Variants in DMAC2L observed in about 807,000 individuals in gnomAD.
The protein encoded by DMAC2L is distal membrane arm assembly component 2 like, also known as ATP synthase subunit s, mitochondrial.
Under a neutral mutation model 22.5 loss-of-function variants are expected in DMAC2L, and 21 were observed. The observed-to-expected ratio is 0.93, with a 90% CI of 0.66 to 1.34. DMAC2L has a LOEUF of 1.34. Ranked by LOEUF, DMAC2L falls within the 40% of genes most tolerant of loss-of-function variation. The pLI, the probability that DMAC2L is intolerant of heterozygous loss-of-function variation, is 0.00. For missense variants in DMAC2L, 239 were observed against 246.5 expected, an observed-to-expected ratio of 0.97 and a Z score of 0.20; for synonymous variants, 86 against 89.5, an observed-to-expected ratio of 0.96 and a Z score of 0.22.
rs1029284314 is a variant in DMAC2L at position 50,326,475 on chromosome 14, T to C, written c.*752T>C. Reference sequence around the variant, plus strand: ...ACAGATTCATTGATGGAGTCAATTATGCAAAGTGGTCAGTGGTTGTTGAAG... The same window carrying C: ...ACAGATTCATTGATGGAGTCAATTACGCAAAGTGGTCAGTGGTTGTTGAAG... On this transcript the variant is annotated 3_prime_UTR_variant, in exon 6 of 6. Transcript: ENST00000557421. The C allele has an allele frequency of 3.0e-6, 3 of 985,328 alleles. No homozygotes were observed. Among genetic ancestry groups the C allele is most frequent in the South Asian group, 4.7e-5 (1 of 21,298 alleles). 61.0% of individuals were successfully genotyped at this position (985,328 alleles called of 1,614,324 possible). A position where few individuals can be genotyped will look rare whatever the true frequency, so the allele number is the denominator to read the frequency against.
Position 50,312,396 on chromosome 14 carries a change from A to T in DMAC2L, c.-42+7A>T. On this transcript the variant is annotated splice_region_variant and intron_variant, in intron 1 of 5. Transcript: ENST00000557421. ...CCTCCCTCCCTCCGACGCTGTGAGT[A>T]GAGAAGCTAGGCCCCGAGCCGGGCG... The T allele has an allele frequency of 1.8e-6, 1 of 561,976 alleles. No individual in the cohort carries two copies. The highest frequency in any genetic ancestry group is 3.2e-6 in the Non-Finnish European group (1 of 316,462). 34.8% of individuals were successfully genotyped at this position (561,976 alleles called of 1,614,324 possible). A position where few individuals can be genotyped will look rare whatever the true frequency, so the allele number is the denominator to read the frequency against.
chr14:50,319,762 A>G (rs1397997745), intron 2 of DMAC2L, among the ~76,000 whole-genome samples: 5 of 152,172 alleles, frequency 3.3e-5, no homozygotes, highest in East Asian at 1.9e-4. Context: ...ATGAAAAACT[A>G]AAAGAAAAAA....
intron 1 of DMAC2L, chr14:50,312,787 C>A: frequency 1.9e-6 from 1 of 535,662 alleles, no homozygotes; most frequent in South Asian, 2.4e-5. Context: ...ATCCTCGCTC[C>A]TCACGGAGGC....
At chr14:50,314,684 C>T (rs899381813) in intron 2 of DMAC2L, 58 bp downstream of exon 2, 4 of 452,880 alleles carry the variant, frequency 8.8e-6, no homozygotes, top group Non-Finnish European at 1.8e-5. Context: ...CTCTGTTGCC[C>T]AGGCTGGAGT....
chr14:50,312,541 G>C (rs1000287528), intron 1 of DMAC2L, 152 bp downstream of exon 1: 2 of 327,778 alleles, frequency 6.1e-6, no homozygotes, highest in Admixed American at 9.4e-5. Flanking sequence ...GGGGCCGTGG[G>C]AGAAACTCTG....
intron 2 of DMAC2L, 146 bp from the exon 3 acceptor site, chr14:50,321,337 A>G (rs1402093879): frequency 1.5e-6 from 2 of 1,358,748 alleles, no homozygotes; most frequent in Non-Finnish European, 1.9e-6. Context: ...CCCAAGAACA[A>G]GAAACAGGAG....
At chr14:50,316,600 T>C (rs1031618277) in intron 2 of DMAC2L, among the ~76,000 whole-genome samples, 1 of 152,224 alleles carries the variant, frequency 6.6e-6, no homozygotes, top group African/African-American at 2.4e-5. Context: ...CCAGTTTCAT[T>C]CTCCTACATG....
At chr14:50,315,594 G>A (rs1257631373) in intron 2 of DMAC2L, among the ~76,000 whole-genome samples, 3 of 149,904 alleles carry the variant, frequency 2.0e-5, no homozygotes, top group African/African-American at 7.4e-5. Flanking sequence ...CCTGGGAGGC[G>A]GAGGTTGCAG....
chr14:50,323,390 C>CTT (rs10609243), intron 4 of DMAC2L, among the ~76,000 whole-genome samples: 22 of 93,334 alleles, frequency 2.4e-4, no homozygotes, highest in Non-Finnish European at 2.8e-4. Flanking sequence ...CACCCGGCCT[C>CTT]TTTTTTTTTT....
At chr14:50,321,334 A>G in intron 2 of DMAC2L, 149 bp from the exon 3 acceptor site, 1 of 1,355,988 alleles carries the variant, frequency 7.4e-7, no homozygotes, top group East Asian at 2.8e-5. Flanking sequence ...AACCCCAAGA[A>G]CAAGAAACAG....
intron 2 of DMAC2L, among the ~76,000 whole-genome samples, chr14:50,315,007 C>T (rs2031641520): frequency 1.3e-5 from 2 of 151,626 alleles, no homozygotes; most frequent in Admixed American, 1.3e-4. Flanking sequence ...CGCTCTGTCA[C>T]CCAGGCTGGA....
intron 5 of DMAC2L, chr14:50,324,550 C>CT (rs1030430070): frequency 6.5e-6 from 1 of 153,444 alleles, no homozygotes; most frequent in African/African-American, 2.4e-5. Flanking sequence ...TCTCTAGAGC[C>CT]TAGAACACTG....
At chr14:50,321,051 C>T (rs182779447) in intron 2 of DMAC2L, among the ~76,000 whole-genome samples, 9 of 152,266 alleles carry the variant, frequency 5.9e-5, no homozygotes, top group Admixed American at 1.3e-4. Flanking sequence ...ATTTTCATGT[C>T]TCCTCTTCTT....
chr14:50,322,425 C>T (rs2032354739), intron 3 of DMAC2L, 86 bp from the exon 4 acceptor site: 3 of 1,310,148 alleles, frequency 2.3e-6, no homozygotes, highest in Admixed American at 3.0e-5. Context: ...AAATTTGTTG[C>T]GTTCTGTATT....
chr14:50,324,327 T>TA (rs1417452557), intron 5 of DMAC2L: 1 of 361,722 alleles, frequency 2.8e-6, no homozygotes, highest in Non-Finnish European at 4.7e-6. Context: ...GAGTATATTT[T>TA]AAAAAATTAA....
rs1555335710 is a variant in DMAC2L, at chr14:50,318,155, G to A, written c.-5-3328G>A. Among the ~76,000 whole-genome samples, 4 of 152,204 alleles carry A rather than the reference G, an allele frequency of 2.6e-5. No individual in the cohort carries two copies. In the South Asian group the frequency reaches 6.2e-4, roughly 24 times the overall value. The stretch of plus-strand genomic sequence containing the variant: ...TAGTAGTGGTTATTTTCTAATTTGC[G>A]TTTAACTGGGTTCTTTTAATTTATT... On this transcript the variant is annotated intron_variant, in intron 2 of 5. Coordinates refer to ENST00000557421, the MANE Select transcript of DMAC2L (RefSeq NM_001382507.1).
chr14:50,311,679 G>C (rs899712150), upstream of DMAC2L, among the ~76,000 whole-genome samples: 2 of 152,160 alleles, frequency 1.3e-5, no homozygotes, highest in African/African-American at 4.8e-5. Context: ...TCCTTCAAAT[G>C]ACCACCTACA....
At chr14:50,314,294 C>T (rs1039784995) in intron 1 of DMAC2L, among the ~76,000 whole-genome samples, 1 of 152,214 alleles carries the variant, frequency 6.6e-6, no homozygotes, top group African/African-American at 2.4e-5. Flanking sequence ...TTTCCCTGCA[C>T]AAGTTCTTTC....
At chr14:50,314,485 T>C (rs571593506) in intron 1 of DMAC2L, 106 bp from the exon 2 acceptor site, 107 of 454,634 alleles carry the variant, frequency 2.4e-4, no homozygotes, top group Admixed American at 3.5e-4. Context: ...AACTGTTCAC[T>C]CATTGAAGGA....
Sources: gnomAD v4.1 joint callset for allele counts (sites outside exome capture counted in the v4.1 genomes callset) on GRCh38, gnomAD v4.1.1 for gene constraint, MANE v1.5 for transcripts, NCBI Gene and HGNC (gene_info 2026-07-23, HGNC 2026-07-21) for gene names.